The following TTLL13 variants were observed in gnomAD, a reference collection of about 807,000 sequenced individuals.
The protein encoded by TTLL13 is tubulin tyrosine ligase like 13.
the TTLL13 span, chr15:90,258,524 A>C: frequency 4.9e-6 from 3 of 613,844 alleles, no homozygotes; most frequent in Non-Finnish European, 8.6e-6. Context: ...CTTTAGGGAC[A>C]CACTATCTAG....
the TTLL13 span, among the ~76,000 whole-genome samples, chr15:90,254,189 T>TTGTTG: frequency 2.3e-3 from 222 of 97,994 alleles, no homozygotes; most frequent in East Asian, 8.8e-3. Flanking sequence ...TGAGACCCTG[T>TTGTTG]TTTTTTTTTT....
chr15:90,264,922 G>T, the TTLL13 span: 1 of 1,536,098 alleles, frequency 6.5e-7, no homozygotes, highest in African/African-American at 1.4e-5. Flanking sequence ...CTGCACCCAT[G>T]CTGCAGCGTT....
At chr15:90,254,775 G>A in the TTLL13 span, among the ~76,000 whole-genome samples, 1 of 152,176 alleles carries the variant, frequency 6.6e-6, no homozygotes, top group Non-Finnish European at 1.5e-5. Flanking sequence ...GAGCCTGGGA[G>A]GCAGAGGCCG....
the TTLL13 span, chr15:90,265,144 T>G: frequency 8.2e-7 from 1 of 1,220,014 alleles, no homozygotes; most frequent in Non-Finnish European, 1.1e-6. Flanking sequence ...TACCCTAAGA[T>G]TAATTGGGGA....
chr15:90,251,114 C>CTTTTTTTTTTTTT, the TTLL13 span, among the ~76,000 whole-genome samples: 341 of 104,602 alleles, frequency 3.3e-3, 16 homozygotes, highest in African/African-American at 5.6e-3. Flanking sequence ...CCTGGTCTGT[C>CTTTTTTTTTTTTT]TTTTTTTTTT....
the TTLL13 span, chr15:90,253,131 T>A: frequency 1.6e-6 from 1 of 644,878 alleles, no homozygotes; most frequent in Admixed American, 2.6e-5. Flanking sequence ...AGGCAAGAAC[T>A]ACCTCCCTCT....
the TTLL13 span, chr15:90,255,894 G>C: frequency 6.2e-7 from 1 of 1,614,174 alleles, no homozygotes; most frequent in Non-Finnish European, 8.5e-7. Flanking sequence ...GAGTGAGTGG[G>C]TCTGGCTTCC....
the TTLL13 span, chr15:90,251,645 A>G: frequency 6.3e-7 from 1 of 1,594,084 alleles, no homozygotes; most frequent in Non-Finnish European, 8.6e-7. Context: ...TGGTGCCTAC[A>G]GCTGCTGTTC....
At chr15:90,257,888 C>A in the TTLL13 span, 2 of 937,154 alleles carry the variant, frequency 2.1e-6, no homozygotes, top group Non-Finnish European at 3.2e-6. Context: ...CAGCCCCAAA[C>A]CTCACCCTGA....
At chr15:90,263,315 C>A in the TTLL13 span, 3 of 601,520 alleles carry the variant, frequency 5.0e-6, no homozygotes, top group Admixed American at 9.6e-5. Context: ...ATTCCTTTTG[C>A]GTCTGTTCCC....
At chr15:90,263,316 G>A in the TTLL13 span, 110,299 of 594,534 alleles carry the variant, frequency 0.19, 11,812 homozygotes, top group East Asian at 0.38. Flanking sequence ...TTCCTTTTGC[G>A]TCTGTTCCCA....
chr15:90,260,348 T>C, the TTLL13 span, among the ~76,000 whole-genome samples: 222 of 151,702 alleles, frequency 1.5e-3, no homozygotes, highest in African/African-American at 4.9e-3. Context: ...AATACAAAAA[T>C]TAGCCAAGCG....
the TTLL13 span, chr15:90,257,573 T>C: frequency 5.4e-6 from 8 of 1,475,892 alleles, no homozygotes; most frequent in East Asian, 2.3e-5. Flanking sequence ...AACAAGGTAA[T>C]GAAGGGCTGG....
At chr15:90,262,552 G>A in the TTLL13 span, 1 of 1,533,264 alleles carries the variant, frequency 6.5e-7, no homozygotes, top group Non-Finnish European at 8.7e-7. Flanking sequence ...GCACTAAGAG[G>A]CAAAAGGCCA....
the TTLL13 span, chr15:90,258,377 T>C: frequency 1.0e-6 from 1 of 965,586 alleles, no homozygotes; most frequent in Non-Finnish European, 1.6e-6. Flanking sequence ...ATGGGAGATG[T>C]GAAAGCCCTG....
the TTLL13 span, chr15:90,257,908 C>T: frequency 1.0e-6 from 1 of 980,492 alleles, no homozygotes; most frequent in Non-Finnish European, 1.5e-6. Flanking sequence ...ATAACTAGTC[C>T]CTGCTCCAAA....
chr15:90,262,950 C>G, the TTLL13 span: 5,593 of 1,534,302 alleles, frequency 3.6e-3, 206 homozygotes, highest in African/African-American at 0.066. Flanking sequence ...GCATTTATCT[C>G]TCATGTACCT....
chr15:90,259,468 C>T, the TTLL13 span, among the ~76,000 whole-genome samples: 1 of 152,138 alleles, frequency 6.6e-6, no homozygotes, highest in African/African-American at 2.4e-5. Context: ...CTCCCCTTCT[C>T]CTCCAGGTAC....
the TTLL13 span, chr15:90,264,984 C>G: frequency 1.3e-6 from 2 of 1,527,974 alleles, no homozygotes; most frequent in Non-Finnish European, 1.8e-6. Flanking sequence ...GAGGGAAGCA[C>G]TCTACCTCTC....
Sources: gnomAD v4.1 joint callset for allele counts (sites outside exome capture counted in the v4.1 genomes callset) on GRCh38, gnomAD v4.1.1 for gene constraint, MANE v1.5 for transcripts, NCBI Gene and HGNC (gene_info 2026-07-23, HGNC 2026-07-21) for gene names.